The following OR1J2 variants were observed in gnomAD, a reference collection of about 807,000 sequenced individuals.
OR1J2 encodes the protein olfactory receptor family 1 subfamily J member 2.
For missense variants in OR1J2, 304 were observed against 246.1 expected, an observed-to-expected ratio of 1.24 and a Z score of -1.57; for synonymous variants, 142 against 99.7, an observed-to-expected ratio of 1.42 and a Z score of -2.52.
the OR1J2 span, among the ~76,000 whole-genome samples, chr9:122,525,254 G>T: frequency 6.6e-6 from 1 of 152,126 alleles, no homozygotes; most frequent in African/African-American, 2.4e-5. Context: ...ATTCACATTT[G>T]TACTTACTAA....
chr9:122,572,738 A>G, the OR1J2 span: 1 of 152,204 alleles, frequency 6.6e-6, no homozygotes, highest in African/African-American at 2.4e-5. Context: ...GAAAGTGCCA[A>G]ACTGGGTTGG....
the OR1J2 span, chr9:122,519,811 C>T: frequency 6.2e-7 from 1 of 1,614,176 alleles, no homozygotes; most frequent in Non-Finnish European, 8.5e-7. Flanking sequence ...ATTGGGGTCA[C>T]CATCCTCAAG....
chr9:122,531,970 A>C, the OR1J2 span, among the ~76,000 whole-genome samples: 2 of 152,130 alleles, frequency 1.3e-5, no homozygotes, highest in Non-Finnish European at 2.9e-5. Flanking sequence ...CTAATTTGCC[A>C]GTCCTGGGCG....
At chr9:122,463,159 T>C in the OR1J2 span, among the ~76,000 whole-genome samples, 1 of 152,218 alleles carries the variant, frequency 6.6e-6, no homozygotes, top group Non-Finnish European at 1.5e-5. Flanking sequence ...GTGGGTTTAT[T>C]CAAAACCCTT....
the OR1J2 span, among the ~76,000 whole-genome samples, chr9:122,547,586 C>T: frequency 2.0e-5 from 3 of 150,582 alleles, no homozygotes; most frequent in African/African-American, 7.3e-5. Context: ...CTATGCCCAA[C>T]TTGATTTCAT....
upstream of OR1J2, among the ~76,000 whole-genome samples, chr9:122,509,077 C>A (rs1436092351): frequency 6.6e-6 from 1 of 152,232 alleles, no homozygotes; most frequent in Non-Finnish European, 1.5e-5. Context: ...CTCATTATCA[C>A]ACTGGGCCAA....
the OR1J2 span, among the ~76,000 whole-genome samples, chr9:122,479,825 A>C: frequency 6.6e-6 from 1 of 152,208 alleles, no homozygotes; most frequent in Admixed American, 6.5e-5. Flanking sequence ...TGCATACTCT[A>C]TATAAATTTG....
upstream of OR1J2, among the ~76,000 whole-genome samples, chr9:122,510,315 T>C (rs866518419): frequency 1.3e-5 from 2 of 152,166 alleles, no homozygotes; most frequent in Non-Finnish European, 2.9e-5. Context: ...CTGAAACACC[T>C]TTCTCCACAG....
At chr9:122,565,044 C>T in the OR1J2 span, among the ~76,000 whole-genome samples, 1 of 152,158 alleles carries the variant, frequency 6.6e-6, no homozygotes, top group South Asian at 2.1e-4. Flanking sequence ...CTTATACTTC[C>T]TCGTGAAATT....
At chr9:122,559,298 T>C in the OR1J2 span, among the ~76,000 whole-genome samples, 1 of 151,820 alleles carries the variant, frequency 6.6e-6, no homozygotes, top group Non-Finnish European at 1.5e-5. Context: ...TATGTAATAT[T>C]TATTTTTATT....
the OR1J2 span, chr9:122,477,395 A>G: frequency 1.7e-5 from 27 of 1,613,970 alleles, no homozygotes; most frequent in Middle Eastern, 3.3e-4. Context: ...AGGTCACAGA[A>G]GTAGTGAGGG....
upstream of OR1J2, among the ~76,000 whole-genome samples, chr9:122,506,728 A>T (rs573673497): frequency 6.6e-6 from 1 of 152,292 alleles, no homozygotes; most frequent in Admixed American, 6.5e-5. Flanking sequence ...ATGTAAAAAG[A>T]CACACACAGA....
the OR1J2 span, chr9:122,520,194 T>C: frequency 6.0e-6 from 4 of 664,940 alleles, no homozygotes; most frequent in African/African-American, 7.2e-5. Context: ...ATGACTTGAA[T>C]TGCATCCTGT....
upstream of OR1J2, among the ~76,000 whole-genome samples, chr9:122,507,005 A>T (rs961548682): frequency 6.6e-6 from 1 of 152,204 alleles, no homozygotes; most frequent in Non-Finnish European, 1.5e-5. Context: ...ATTGGCTATA[A>T]AAATTATTCA....
upstream of OR1J2, among the ~76,000 whole-genome samples, chr9:122,506,605 A>G (rs1556190): frequency 0.41 from 62,386 of 151,970 alleles, 13,672 homozygotes; most frequent in East Asian, 0.54. Context: ...AGGGAAGGTA[A>G]GCACTGGAGA....
chr9:122,547,655 G>GTC, the OR1J2 span, among the ~76,000 whole-genome samples: 1 of 148,958 alleles, frequency 6.7e-6, no homozygotes, highest in African/African-American at 2.5e-5. Flanking sequence ...GTGTGTGTGT[G>GTC]TGTACATACA....
chr9:122,505,355 G>A, the OR1J2 span, among the ~76,000 whole-genome samples: 1 of 152,084 alleles, frequency 6.6e-6, no homozygotes. Flanking sequence ...GTTAGCTCAG[G>A]TTTCTCTTTC....
At chr9:122,522,874 G>A in the OR1J2 span, among the ~76,000 whole-genome samples, 51 of 152,264 alleles carry the variant, frequency 3.3e-4, no homozygotes, top group East Asian at 8.1e-3. Context: ...GTGCCTTAAC[G>A]TAATAACACC....
the OR1J2 span, among the ~76,000 whole-genome samples, chr9:122,456,284 A>C: frequency 6.6e-6 from 1 of 152,178 alleles, no homozygotes; most frequent in Non-Finnish European, 1.5e-5. Flanking sequence ...ACACGTGCCT[A>C]GAAAGATTGG....
Sources: allele counts gnomAD v4.1 joint callset (sites outside exome capture counted in the v4.1 genomes callset), GRCh38; gene constraint gnomAD v4.1.1; transcripts MANE v1.5; gene names NCBI Gene and HGNC (gene_info 2026-07-23, HGNC 2026-07-21).